Variants in MYOT observed in about 807,000 individuals in gnomAD.
The protein encoded by MYOT is myotilin.
A neutral mutation model predicts 58.0 loss-of-function variants in MYOT; 36 were observed. That is an observed-to-expected ratio of 0.62 (90% CI 0.48 to 0.82). MYOT has a LOEUF of 0.82. MYOT is among the 40% of genes least tolerant of loss of function. The pLI is 0.00. For missense variants in MYOT, 505 were observed against 592.1 expected (o/e 0.85, Z 1.53); for synonymous variants, 218 against 204.6 (o/e 1.07, Z -0.56).
In MYOT at chr5:137,870,141, A is replaced by G. The variant is rs552287691; in HGVS notation, c.-211-300A>G. ...CTGTCTCTACTAAAAAAAAAAAAAAAAAAGAAAGAAAGAAAAAAAGAAAAA... is the reference window on the plus strand; with the variant it reads ...CTGTCTCTACTAAAAAAAAAAAAAAGAAAGAAAGAAAGAAAAAAAGAAAAA... On this transcript the variant is annotated intron_variant, in intron 1 of 9. Coordinates refer to ENST00000239926, the MANE Select transcript of MYOT (RefSeq NM_006790.3). Among the ~76,000 whole-genome samples the G allele has an allele frequency of 0.021, 3,138 of 150,810 alleles. 105 individuals carry two copies. Among genetic ancestry groups the G allele is most frequent in the African/African-American group, 0.072 (2,930 of 40,826 alleles).
intron 7 of MYOT, among the ~76,000 whole-genome samples, chr5:137,885,208 T>C (rs566021468): frequency 6.6e-6 from 1 of 152,362 alleles, no homozygotes; most frequent in Non-Finnish European, 1.5e-5. Flanking sequence ...TAATTACTGA[T>C]ATTCCCACAT....
At position 137,883,489 on chromosome 5, in the gene MYOT, C is replaced by T. The variant is rs1189196600; in HGVS notation, c.922C>T (p.Leu308Phe). ...MIVSEKGLHS[L>F]IFEVVRASDA... ...AGTGTCTGAGAAGGGTCTTCATTCA[C>T]TCATCTTTGAAGTAGTCAGAGCTTC... Residue 308 changes from leucine (L) to phenylalanine (F), a missense_variant, in exon 7 of 10, where the codon CTC (leucine) becomes TTC (phenylalanine). Transcript: ENST00000239926. The T allele has an allele frequency of 1.9e-6, 3 of 1,614,108 alleles. No homozygotes were observed. The highest frequency in any genetic ancestry group is 2.5e-6 in the Non-Finnish European group (3 of 1,179,984).
intron 4 of MYOT, among the ~76,000 whole-genome samples, chr5:137,877,857 A>AT (rs1208147660): frequency 6.6e-6 from 1 of 152,156 alleles, no homozygotes; most frequent in Non-Finnish European, 1.5e-5. Flanking sequence ...CAAGAAGTCT[A>AT]ATGGTATTAT....
At chr5:137,877,055 A>G (rs1207616291) in intron 3 of MYOT, among the ~76,000 whole-genome samples, 1 of 149,934 alleles carries the variant, frequency 6.7e-6, no homozygotes, top group Non-Finnish European at 1.5e-5. Context: ...TTTGAATGGA[A>G]GAAAAGACTT....
intron 2 of MYOT, among the ~76,000 whole-genome samples, chr5:137,872,482 A>AAT (rs2149979945): frequency 6.6e-6 from 1 of 152,354 alleles, no homozygotes; most frequent in Non-Finnish European, 1.5e-5. Flanking sequence ...GCAAAAACAT[A>AAT]ATAAGAAATA....
chr5:137,880,818 A>G lies in MYOT; in HGVS notation c.636A>G (p.Gln212=). ...QDDSGAQDSQ[Q]HNSEHARLQV... ...TCTTACTTTGTTTTAATTTCAAGCA[A>G]CACAACTCAGAACATGCGCGACTGC... Residue 212 remains glutamine, a splice_region_variant and synonymous_variant, in exon 5 of 10, where the codon CAA becomes CAG. Transcript: ENST00000239926. 1 of 1,612,464 alleles carries G rather than the reference A, an allele frequency of 6.2e-7. No homozygotes were observed. The highest frequency in any genetic ancestry group is 8.5e-7 in the Non-Finnish European group (1 of 1,178,620).
rs371910095 is a variant in MYOT, at chr5:137,875,791, C to T, written c.357-38C>T. ...GGTAATTTGCAAAATGAGGCCAAGA[C>T]CTTCTTTTTAAAAATCTTTTCTTTT... On this transcript the variant is annotated intron_variant, in intron 2 of 9. Coordinates refer to ENST00000239926, the MANE Select transcript of MYOT (RefSeq NM_006790.3). The T allele has an allele frequency of 6.2e-6, 10 of 1,607,670 alleles. No homozygotes were observed. The Admixed American group carries it at 8.3e-5, about 13-fold the overall frequency.
At chr5:137,882,264 T>A (rs989081068) in intron 6 of MYOT, among the ~76,000 whole-genome samples, 159 bp downstream of exon 6, 1 of 152,226 alleles carries the variant, frequency 6.6e-6, no homozygotes, top group Non-Finnish European at 1.5e-5. Context: ...ATTCTGGCTC[T>A]GCCATCCTCC....
At chr5:137,878,212 C>A (rs1472494405) in intron 4 of MYOT, among the ~76,000 whole-genome samples, 1 of 149,046 alleles carries the variant, frequency 6.7e-6, no homozygotes, top group Non-Finnish European at 1.5e-5. Flanking sequence ...TGCACCTGAT[C>A]GATTTTTTTT....
chr5:137,874,000 T>C (rs190329222), intron 2 of MYOT, among the ~76,000 whole-genome samples: 56 of 152,378 alleles, frequency 3.7e-4, no homozygotes, highest in African/African-American at 1.3e-3. Flanking sequence ...AATACATTTA[T>C]ACTTAGCTCA....
At position 137,880,511 on chromosome 5, in the gene MYOT, G is replaced by A. The variant is rs374923968; in HGVS notation, c.634-305G>A. The A allele has an allele frequency of 2.7e-4, 85 of 319,854 alleles. 1 individual carries two copies. The East Asian group carries it at 3.8e-3, about 14-fold the overall frequency. 19.8% of individuals were successfully genotyped at this position (319,854 alleles called of 1,614,324 possible). A position where few individuals can be genotyped will look rare whatever the true frequency, so the allele number is the denominator to read the frequency against. ...CTGTGCTCCCATTTCAAATGCACCAGGGAGACACATCACCCTTTGTCATAA... is the reference window on the plus strand; with the variant it reads ...CTGTGCTCCCATTTCAAATGCACCAAGGAGACACATCACCCTTTGTCATAA... On this transcript the variant is annotated intron_variant, in intron 4 of 9. Transcript: ENST00000239926.
At chr5:137,877,195 C>T (rs1383253013) in intron 3 of MYOT, among the ~76,000 whole-genome samples, 3 of 151,804 alleles carry the variant, frequency 2.0e-5, no homozygotes, top group East Asian at 1.9e-4. Context: ...AGTGAAACCC[C>T]GTCTCTACTA....
intron 5 of MYOT, 28 bp downstream of exon 5, chr5:137,880,893 T>C: frequency 7.0e-7 from 1 of 1,421,258 alleles, no homozygotes; most frequent in Non-Finnish European, 9.9e-7. Flanking sequence ...TAAAGAAATG[T>C]ATGTTTTCCT....
At position 137,880,861 on chromosome 5, in the gene MYOT, G is replaced by A. The variant is rs1554103404; in HGVS notation, c.679G>A (p.Val227Ile). ...GCGACTGCAAGTTCCTACATCACAA[G>A]TAAGGTAAAAAATTTTAATTTTAAA... ...HARLQVPTSQ[V>I]RSRSTSRGDV... The change falls in exon 5 of 10, where the codon GTA becomes ATA. Residue 227 changes from valine (V) to isoleucine (I), a missense_variant. Coordinates refer to ENST00000239926, the MANE Select transcript of MYOT (RefSeq NM_006790.3). 1 of 1,605,960 alleles carries A rather than the reference G, an allele frequency of 6.2e-7. No individual in the cohort carries two copies. Among genetic ancestry groups the A allele is most frequent in the Non-Finnish European group, 8.5e-7 (1 of 1,173,484 alleles).
intron 2 of MYOT, among the ~76,000 whole-genome samples, chr5:137,873,996 T>C (rs1371791217): frequency 6.6e-6 from 1 of 152,194 alleles, no homozygotes; most frequent in African/African-American, 2.4e-5. Context: ...AGGAAATACA[T>C]TTATACTTAG....
In MYOT at chr5:137,877,490, C is replaced by A. The variant is rs774437699; in HGVS notation, c.532-30C>A. 15 of 1,459,094 alleles carry A rather than the reference C, an allele frequency of 1.0e-5. 1 individual carries two copies. The South Asian group carries it at 1.6e-4, about 15-fold the overall frequency. The allele number at this position is 1,459,094 out of a possible 1,614,324, so 90.4% of individuals were successfully genotyped here. A position where few individuals can be genotyped will look rare whatever the true frequency, so the allele number is the denominator to read the frequency against. ...CCTGTACAAACATCTTTTATTAAAT[C>A]TAATTACTGTCTCAATAAATTCTCT... is the stretch of plus-strand genomic sequence containing the variant. On this transcript the variant is annotated intron_variant, in intron 3 of 9. Transcript: ENST00000239926.
At chr5:137,884,147 G>A (rs946694282) in intron 7 of MYOT, among the ~76,000 whole-genome samples, 1 of 152,124 alleles carries the variant, frequency 6.6e-6, no homozygotes, top group African/African-American at 2.4e-5. Flanking sequence ...CAAGGAGTTT[G>A]AGACCAGCCA....
intron 4 of MYOT, 109 bp from the exon 5 acceptor site, chr5:137,880,707 T>C (rs1755399465): frequency 1.1e-6 from 1 of 942,650 alleles, no homozygotes. Flanking sequence ...ACCAGGGCTG[T>C]TCAAATACAG....
At chr5:137,874,941 C>A (rs1755163324) in intron 2 of MYOT, among the ~76,000 whole-genome samples, 1 of 152,178 alleles carries the variant, frequency 6.6e-6, no homozygotes, top group African/African-American at 2.4e-5. Flanking sequence ...CAGTGGTGTG[C>A]TGGTAAATGT....
Sources: gnomAD v4.1 joint callset for allele counts (sites outside exome capture counted in the v4.1 genomes callset) on GRCh38, gnomAD v4.1.1 for gene constraint, MANE v1.5 for transcripts, NCBI Gene and HGNC (gene_info 2026-07-23, HGNC 2026-07-21) for gene names.